The following GRIN2B variants were observed in gnomAD, a reference collection of about 807,000 sequenced individuals.
The protein encoded by GRIN2B is glutamate receptor ionotropic, NMDA 2B.
GRIN2B carries 5 observed loss-of-function variants against 114.5 expected under a neutral mutation model. The observed-to-expected ratio is 0.04, with a 90% CI of 0.02 to 0.09. The LOEUF (loss-of-function observed/expected upper bound fraction) is 0.09, where lower values mean the gene tolerates loss of function less well. Ranked by LOEUF, GRIN2B falls within the 10% of genes least tolerant of loss-of-function variation. The pLI, the probability that GRIN2B is intolerant of heterozygous loss-of-function variation, is 1.00. For missense variants in GRIN2B, 1,108 were observed against 1,943.5 expected, an observed-to-expected ratio of 0.57 and a Z score of 8.08; for synonymous variants, 787 against 745.1, an observed-to-expected ratio of 1.06 and a Z score of -0.92.
At chr12:13,754,119 C>A (rs551932999) in intron 3 of GRIN2B, among the ~76,000 whole-genome samples, 23 of 152,260 alleles carry the variant, frequency 1.5e-4, no homozygotes, top group East Asian at 1.2e-3. Flanking sequence ...AAAATTGTCT[C>A]CTAGACTTTA....
At chr12:13,893,350 G>A (rs1005060142) in intron 2 of GRIN2B, among the ~76,000 whole-genome samples, 1 of 151,964 alleles carries the variant, frequency 6.6e-6, no homozygotes, top group East Asian at 1.9e-4. Context: ...AGGGGAGGGG[G>A]TAGCAGAAAA....
At chr12:13,763,914 T>G (rs1863727444) in intron 3 of GRIN2B, among the ~76,000 whole-genome samples, 3 of 152,228 alleles carry the variant, frequency 2.0e-5, no homozygotes, top group South Asian at 4.1e-4. Context: ...ACTTTTTCTT[T>G]TACTCATTTA....
intron 10 of GRIN2B, among the ~76,000 whole-genome samples, chr12:13,602,864 T>A (rs1384706258): frequency 1.3e-5 from 2 of 152,200 alleles, no homozygotes; most frequent in Non-Finnish European, 2.9e-5. Flanking sequence ...CTCTACTTCC[T>A]TGAGGAGAAG....
At chr12:13,767,529 A>G (rs1863820397) in intron 3 of GRIN2B, among the ~76,000 whole-genome samples, 1 of 152,216 alleles carries the variant, frequency 6.6e-6, no homozygotes, top group African/African-American at 2.4e-5. Flanking sequence ...ATGTGTATTA[A>G]CACTATAAAC....
chr12:13,709,723 T>C (rs998419565), intron 4 of GRIN2B, among the ~76,000 whole-genome samples: 3 of 151,974 alleles, frequency 2.0e-5, no homozygotes, highest in African/African-American at 4.8e-5. Flanking sequence ...TAAAACGAAG[T>C]CCCGGCAGGT....
chr12:13,884,004 T>C (rs1337933475), intron 2 of GRIN2B, among the ~76,000 whole-genome samples: 2 of 152,194 alleles, frequency 1.3e-5, no homozygotes, highest in African/African-American at 4.8e-5. Context: ...TTTAGGGCTG[T>C]ATGTATGTTT....
chr12:13,691,511 T>C (rs924000276), intron 4 of GRIN2B, among the ~76,000 whole-genome samples: 1 of 152,196 alleles, frequency 6.6e-6, no homozygotes, highest in Non-Finnish European at 1.5e-5. Context: ...CATCCTAGCA[T>C]AACCTACAGG....
chr12:13,605,062 CCA>C (rs59053822), intron 10 of GRIN2B, among the ~76,000 whole-genome samples: 11,573 of 151,458 alleles, frequency 0.076, 472 homozygotes, highest in Non-Finnish European at 0.089. Context: ...TCCTCTCTCC[CCA>C]CAGACTCTTT....
In GRIN2B at chr12:13,598,076, G is replaced by T. The variant is rs565941084; in HGVS notation, c.2010+10527C>A. The stretch of plus-strand genomic sequence containing the variant: ...AGGGAAAAGAGGAGATGCAGAGGCA[G>T]GAAAGCACTTCCTTGGCTGGCACCG... On this transcript the variant is annotated intron_variant, in intron 10 of 13. Coordinates refer to ENST00000609686, the MANE Select transcript of GRIN2B (RefSeq NM_000834.5). Among the ~76,000 whole-genome samples, 14 of 152,292 alleles carry T rather than the reference G, an allele frequency of 9.2e-5. No homozygotes were observed. In the East Asian group the frequency reaches 2.5e-3, roughly 27 times the overall value.
intron 4 of GRIN2B, among the ~76,000 whole-genome samples, chr12:13,725,862 G>T (rs1435905078): frequency 6.6e-6 from 1 of 152,088 alleles, no homozygotes; most frequent in African/African-American, 2.4e-5. Flanking sequence ...GGGCAGAGAG[G>T]TGAGCGCATG....
intron 4 of GRIN2B, among the ~76,000 whole-genome samples, chr12:13,690,163 G>C (rs887371192): frequency 6.6e-6 from 1 of 151,978 alleles, no homozygotes; most frequent in Non-Finnish European, 1.5e-5. Context: ...CTAGTATCTT[G>C]CTTGTGGTAA....
intron 4 of GRIN2B, among the ~76,000 whole-genome samples, chr12:13,727,476 G>A (rs1863011597): frequency 6.6e-6 from 1 of 152,206 alleles, no homozygotes; most frequent in Non-Finnish European, 1.5e-5. Context: ...TGGGGCTTTA[G>A]CATTGGGTGA....
At chr12:13,571,574 C>T (rs1177816957) in intron 11 of GRIN2B, among the ~76,000 whole-genome samples, 1 of 152,004 alleles carries the variant, frequency 6.6e-6, no homozygotes, top group South Asian at 2.1e-4. Context: ...ATTAGTGCAA[C>T]TAGAAAATAA....
intron 4 of GRIN2B, among the ~76,000 whole-genome samples, chr12:13,686,408 T>C (rs1250340286): frequency 6.6e-6 from 1 of 152,058 alleles, no homozygotes; most frequent in Non-Finnish European, 1.5e-5. Flanking sequence ...CGTGTAATCA[T>C]CTCTCCCTGC....
In GRIN2B at chr12:13,938,396, C is replaced by T. The variant is rs141648136; in HGVS notation, c.-19+41532G>A. On this transcript the variant is annotated intron_variant, in intron 2 of 13. Transcript: ENST00000609686. ...TAGAAAAAGCTGTACCCTGCAACTA[C>T]ATGATCCAGCAATTCTACTTTTTGA... Among the ~76,000 whole-genome samples, 1,073 of 152,230 alleles carry T rather than the reference C, an allele frequency of 7.0e-3. 16 individuals are homozygous for T. The highest frequency in any genetic ancestry group is 0.024 in the African/African-American group (1,008 of 41,564).
chr12:13,619,768 G>A (rs1195316187), intron 5 of GRIN2B, among the ~76,000 whole-genome samples: 3 of 152,180 alleles, frequency 2.0e-5, no homozygotes, highest in Non-Finnish European at 2.9e-5. Flanking sequence ...CACATTTAAT[G>A]TTTCATTTTA....
chr12:13,813,912 CA>C (rs1485276694), intron 3 of GRIN2B, among the ~76,000 whole-genome samples: 2 of 152,140 alleles, frequency 1.3e-5, no homozygotes, highest in Non-Finnish European at 2.9e-5. Flanking sequence ...ATTTGAAAAT[CA>C]CAAGACTAAT....
intron 3 of GRIN2B, among the ~76,000 whole-genome samples, chr12:13,855,683 C>T (rs768635347): frequency 5.5e-4 from 84 of 152,126 alleles, no homozygotes; most frequent in Non-Finnish European, 1.1e-3. Flanking sequence ...CTTATAAGGA[C>T]ATTTGTCATT....
chr12:13,705,477 C>T (rs1403227934), intron 4 of GRIN2B, among the ~76,000 whole-genome samples: 3 of 152,088 alleles, frequency 2.0e-5, no homozygotes, highest in Non-Finnish European at 4.4e-5. Context: ...GCAGGAGGCA[C>T]ACAAATATAC....
Sources: gnomAD v4.1 joint callset for allele counts (sites outside exome capture counted in the v4.1 genomes callset) on GRCh38, gnomAD v4.1.1 for gene constraint, MANE v1.5 for transcripts, NCBI Gene and HGNC (gene_info 2026-07-23, HGNC 2026-07-21) for gene names.